The following AXDND1 variants were observed in gnomAD, a reference collection of about 807,000 sequenced individuals.
AXDND1 encodes the protein axonemal dynein light chain domain containing 1.
In AXDND1, 110 loss-of-function variants were observed where a neutral mutation model predicts 137.5. The observed-to-expected ratio is 0.80, with a 90% CI of 0.69 to 0.94. The LOEUF (loss-of-function observed/expected upper bound fraction) is 0.94. AXDND1 is among the 40% of genes least tolerant of loss of function. The pLI is 0.00. For synonymous variants in AXDND1, 414 were observed against 399.7 expected (o/e 1.04, Z -0.43); for missense variants, 1,191 against 1,169.8 (o/e 1.02, Z -0.26).
At chr1:179,441,879 T>C (rs1447224128) in intron 15 of AXDND1, among the ~76,000 whole-genome samples, 6 of 152,224 alleles carry the variant, frequency 3.9e-5, no homozygotes, top group African/African-American at 1.4e-4. Flanking sequence ...ATATCAGATA[T>C]GCGCTAGCAG....
At chr1:179,541,335 A>G (rs116370299) in intron 25 of AXDND1, among the ~76,000 whole-genome samples, 35 of 152,298 alleles carry the variant, frequency 2.3e-4, no homozygotes, top group African/African-American at 8.2e-4. Flanking sequence ...CATGGCCTGC[A>G]CACACTGTCC....
At chr1:179,413,083 A>G (rs993753670) in intron 12 of AXDND1, among the ~76,000 whole-genome samples, 2 of 152,122 alleles carry the variant, frequency 1.3e-5, no homozygotes, top group South Asian at 2.1e-4. Flanking sequence ...ATTGTTTTTA[A>G]CACCTTTATT....
At chr1:179,521,898 C>T (rs142320329) in intron 21 of AXDND1, among the ~76,000 whole-genome samples, 1 of 151,934 alleles carries the variant, frequency 6.6e-6, no homozygotes, top group African/African-American at 2.4e-5. Flanking sequence ...CTGTCAGTTC[C>T]TTTGAAGTGA....
chr1:179,490,574 TTA>T (rs1304518483), intron 18 of AXDND1, among the ~76,000 whole-genome samples: 3 of 152,198 alleles, frequency 2.0e-5, no homozygotes, highest in Non-Finnish European at 4.4e-5. Context: ...TAACAATTTA[TTA>T]ACCATTTGGA....
chr1:179,369,992 T>C lies in AXDND1; in HGVS notation c.288T>C (p.Leu96=), dbSNP rs1359498225. 6.2e-7 allele frequency: 1 copy of C among 1,613,992 alleles called. No individual in the cohort carries two copies. The highest frequency in any genetic ancestry group is 1.7e-5 in the Admixed American group (1 of 60,012). The change falls in exon 4 of 26, where the codon CTT becomes CTC. Residue 96 remains leucine, a synonymous_variant. Transcript: ENST00000367618. ...IKTPKGTLPR[L]VDHVWHHPVR... is the part of the protein sequence containing the mutation. ...TTTCCCAGGGCACTCTTCCACGCCT[T>C]GTAGACCATGTCTGGCATCACCCTG...
At chr1:179,475,726 C>G (rs1664532515) in intron 17 of AXDND1, among the ~76,000 whole-genome samples, 1 of 152,084 alleles carries the variant, frequency 6.6e-6, no homozygotes, top group Non-Finnish European at 1.5e-5. Context: ...TGAGTTTAGA[C>G]TTTGGGGGAC....
intron 12 of AXDND1, among the ~76,000 whole-genome samples, chr1:179,413,081 T>G (rs1455297491): frequency 3.3e-5 from 5 of 152,302 alleles, no homozygotes; most frequent in African/African-American, 1.2e-4. Context: ...ACATTGTTTT[T>G]AACACCTTTA....
chr1:179,455,112 AAAAG>A (rs1393157441), intron 16 of AXDND1: 1 of 140,444 alleles, frequency 7.1e-6, no homozygotes, highest in African/African-American at 2.7e-5. Flanking sequence ...AAAAAAAGAA[AAAAG>A]AAAAAAATTA....
At chr1:179,543,947 A>T (rs1365950377) in intron 25 of AXDND1, 1 of 152,642 alleles carries the variant, frequency 6.6e-6, no homozygotes, top group Non-Finnish European at 1.5e-5. Flanking sequence ...GGTACCATGC[A>T]AGGACGGTGC....
chr1:179,524,422 A>G (rs1235959412), intron 21 of AXDND1, among the ~76,000 whole-genome samples: 1 of 152,042 alleles, frequency 6.6e-6, no homozygotes, highest in Non-Finnish European at 1.5e-5. Context: ...AAATTCTTCC[A>G]TCTTAAACTC....
chr1:179,493,576 A>G (rs1667148841), intron 20 of AXDND1, among the ~76,000 whole-genome samples: 1 of 152,244 alleles, frequency 6.6e-6, no homozygotes, highest in Non-Finnish European at 1.5e-5. Context: ...AGAAACGGTC[A>G]AACTGCCTTC....
At chr1:179,492,139 T>G (rs1412677091) in intron 19 of AXDND1, among the ~76,000 whole-genome samples, 2 of 152,204 alleles carry the variant, frequency 1.3e-5, no homozygotes, top group Non-Finnish European at 2.9e-5. Context: ...AGTAGCGTGA[T>G]CTCGGCTCAC....
At chr1:179,369,846 GCT>G (rs1667856431) in intron 3 of AXDND1, 127 bp from the exon 4 acceptor site, 4 of 581,330 alleles carry the variant, frequency 6.9e-6, no homozygotes, top group South Asian at 2.6e-5. Flanking sequence ...TAAGAATTCT[GCT>G]CTCTTTTTTC....
Position 179,419,610 on chromosome 1 carries a change from G to C in AXDND1, c.1230+8344G>C, listed in dbSNP as rs532998618. 1.2e-3 allele frequency among the ~76,000 whole-genome samples: 160 copies of C among 137,290 alleles called. 2 individuals carry two copies. The highest frequency in any genetic ancestry group is 0.01 in the Middle Eastern group (3 of 290). The allele number at this position is 137,290 out of a possible 152,430, so 90.1% of individuals were successfully genotyped here. ...GCATCAGAGGGAGACCGTGGAAAGA[G>C]AGGGAGAGGGAGATGGTGGGGAGAG... On this transcript the variant is annotated intron_variant, in intron 12 of 25. Coordinates refer to ENST00000367618, the MANE Select transcript of AXDND1 (RefSeq NM_144696.6).
intron 17 of AXDND1, among the ~76,000 whole-genome samples, chr1:179,476,199 A>T (rs138327360): frequency 1.5e-3 from 229 of 152,290 alleles, no homozygotes; most frequent in African/African-American, 5.3e-3. Flanking sequence ...AATATTACAA[A>T]CACAAAAATA....
intron 11 of AXDND1, 115 bp downstream of exon 11, chr1:179,395,317 T>C (rs936170012): frequency 4.1e-6 from 3 of 736,670 alleles, no homozygotes; most frequent in Non-Finnish European, 6.5e-6. Flanking sequence ...CACATATAGA[T>C]AGCTTACTTT....
chr1:179,519,241 T>G (rs1405702306), intron 21 of AXDND1, among the ~76,000 whole-genome samples: 1 of 152,246 alleles, frequency 6.6e-6, no homozygotes, highest in African/African-American at 2.4e-5. Context: ...GGTTGTTTTT[T>G]GCTTGTAAAT....
rs770990923 is a variant in AXDND1, at chr1:179,551,195, T to C, written c.3032-3317T>C. ...TTCCTATAACATGGGAGAGTCTTTC[T>C]TTTTAGGATTTAGTGGCTCAACAGG... On this transcript the variant is annotated intron_variant, in intron 25 of 25. Transcript: ENST00000367618. 1.4e-4 allele frequency: 226 copies of C among 1,613,984 alleles called. No homozygotes were observed. Among genetic ancestry groups the C allele is most frequent in the Non-Finnish European group, 1.8e-4 (209 of 1,180,022 alleles).
At chr1:179,490,817 A>G (rs1666799775) in intron 18 of AXDND1, among the ~76,000 whole-genome samples, 1 of 150,862 alleles carries the variant, frequency 6.6e-6, no homozygotes, top group Admixed American at 6.6e-5. Context: ...AAAAGATATG[A>G]TGTCATCAAA....
Sources: gnomAD v4.1 joint callset for allele counts (sites outside exome capture counted in the v4.1 genomes callset) on GRCh38, gnomAD v4.1.1 for gene constraint, MANE v1.5 for transcripts, NCBI Gene and HGNC (gene_info 2026-07-23, HGNC 2026-07-21) for gene names.